The following CEP63 variants were observed in gnomAD, a reference collection of about 807,000 sequenced individuals.
The protein encoded by CEP63 is centrosomal protein 63.
A neutral mutation model predicts 89.1 loss-of-function variants in CEP63; 84 were observed. The ratio of observed to expected loss-of-function variants is 0.94; its 90% CI spans 0.79 to 1.13. CEP63 has a LOEUF of 1.13. Among genes scored for constraint, CEP63 ranks in the 50% most tolerant of loss-of-function variants. The pLI is 0.00. For synonymous variants in CEP63, 267 were observed against 272.5 expected, an observed-to-expected ratio of 0.98 and a Z score of 0.20; for missense variants, 838 against 813.3, an observed-to-expected ratio of 1.03 and a Z score of -0.37.
intron 3 of CEP63, among the ~76,000 whole-genome samples, chr3:134,529,756 C>G (rs542288130): frequency 1.6e-4 from 24 of 152,224 alleles, no homozygotes; most frequent in African/African-American, 5.8e-4. Context: ...ATCCTCCTGC[C>G]TCTGCCTCCT....
chr3:134,704,669 G>T, the CEP63 span, among the ~76,000 whole-genome samples: 5 of 152,330 alleles, frequency 3.3e-5, no homozygotes, highest in Admixed American at 3.3e-4. Flanking sequence ...TTTGCAGAGG[G>T]AGTCTGCTCC....
intron 3 of CEP63, among the ~76,000 whole-genome samples, chr3:134,528,569 CGTGTGT>C (rs34415967): frequency 2.0e-5 from 3 of 147,130 alleles, no homozygotes; most frequent in African/African-American, 7.5e-5. Flanking sequence ...TGTGTGTGTG[CGTGTGT>C]GTGTGTGTGT....
intron 3 of CEP63, among the ~76,000 whole-genome samples, chr3:134,519,024 A>AC (rs199781798): frequency 0.023 from 3,372 of 149,140 alleles, 80 homozygotes; most frequent in South Asian, 0.11. Context: ...CCATGTACCC[A>AC]CCCCCCCACC....
At chr3:134,583,420 CATTT>C (rs1417155152) in intron 10 of CEP63, among the ~76,000 whole-genome samples, 2 of 152,126 alleles carry the variant, frequency 1.3e-5, no homozygotes, top group Non-Finnish European at 2.9e-5. Context: ...TTCCCAGCAC[CATTT>C]ATTAAATAGG....
At chr3:134,610,033 G>T in the CEP63 span, among the ~76,000 whole-genome samples, 11 of 152,234 alleles carry the variant, frequency 7.2e-5, no homozygotes, top group Non-Finnish European at 1.3e-4. Context: ...CTCACAATTG[G>T]CCTGGAGCCA....
At chr3:134,634,990 A>G in the CEP63 span, among the ~76,000 whole-genome samples, 3 of 152,266 alleles carry the variant, frequency 2.0e-5, no homozygotes, top group Non-Finnish European at 4.4e-5. Flanking sequence ...ATAGTTTGGC[A>G]GTTTCTTATA....
chr3:134,685,652 CCTT>C, the CEP63 span, among the ~76,000 whole-genome samples: 1 of 152,194 alleles, frequency 6.6e-6, no homozygotes, highest in Non-Finnish European at 1.5e-5. Flanking sequence ...GTGCTTTTCA[CCTT>C]CTTCTGGCTG....
At chr3:134,752,697 A>G in the CEP63 span, among the ~76,000 whole-genome samples, 1 of 152,226 alleles carries the variant, frequency 6.6e-6, no homozygotes, top group African/African-American at 2.4e-5. Flanking sequence ...AGGGAGAGGT[A>G]CAGGTGCACG....
At chr3:134,768,997 A>G in the CEP63 span, among the ~76,000 whole-genome samples, 6 of 152,270 alleles carry the variant, frequency 3.9e-5, no homozygotes, top group South Asian at 1.2e-3. Context: ...GACATCTAGC[A>G]AGGAAACAGG....
At chr3:134,738,953 T>C in the CEP63 span, among the ~76,000 whole-genome samples, 2 of 128,514 alleles carry the variant, frequency 1.6e-5, no homozygotes, top group Non-Finnish European at 3.2e-5. Context: ...TATACCCTCT[T>C]GGATGGCTAT....
the CEP63 span, among the ~76,000 whole-genome samples, chr3:134,664,862 G>A: frequency 6.6e-6 from 1 of 152,172 alleles, no homozygotes; most frequent in African/African-American, 2.4e-5. Flanking sequence ...TGCATGGCCT[G>A]CAGTAAATAA....
At chr3:134,646,114 T>C in the CEP63 span, among the ~76,000 whole-genome samples, 267 of 152,350 alleles carry the variant, frequency 1.8e-3, no homozygotes, top group African/African-American at 6.1e-3. Context: ...ATACCTTCCA[T>C]GCCCTGCATG....
intron 1 of CEP63, among the ~76,000 whole-genome samples, chr3:134,487,227 A>G (rs3932818): frequency 0.63 from 96,510 of 152,116 alleles, 31,368 homozygotes; most frequent in East Asian, 0.81. Context: ...GCTTAATGAT[A>G]AAGTGTATAT....
downstream of CEP63, among the ~76,000 whole-genome samples, chr3:134,565,312 T>C (rs1211005637): frequency 6.6e-6 from 1 of 152,214 alleles, no homozygotes; most frequent in East Asian, 1.9e-4. Flanking sequence ...GAAAAAATAC[T>C]ACAACACTCT....
intron 8 of CEP63, among the ~76,000 whole-genome samples, chr3:134,546,614 C>T (rs1347913900): frequency 6.6e-6 from 1 of 152,200 alleles, no homozygotes. Context: ...ACCTCAGCCT[C>T]CCAAAGTGCT....
the CEP63 span, among the ~76,000 whole-genome samples, chr3:134,671,648 G>A: frequency 6.6e-6 from 1 of 152,302 alleles, no homozygotes; most frequent in African/African-American, 2.4e-5. Context: ...CAAAGACATA[G>A]GAAAATCCAG....
At chr3:134,605,009 C>T in the CEP63 span, among the ~76,000 whole-genome samples, 4 of 152,134 alleles carry the variant, frequency 2.6e-5, no homozygotes, top group Admixed American at 6.5e-5. Flanking sequence ...TCCCTGATCC[C>T]CACCTCCCCC....
the CEP63 span, among the ~76,000 whole-genome samples, chr3:134,658,886 T>G: frequency 1.3e-5 from 2 of 152,210 alleles, no homozygotes; most frequent in African/African-American, 4.8e-5. Context: ...AAGAGCAATT[T>G]TCATTCTTAA....
chr3:134,638,774 C>G, the CEP63 span, among the ~76,000 whole-genome samples: 3 of 152,220 alleles, frequency 2.0e-5, no homozygotes, highest in Non-Finnish European at 4.4e-5. Context: ...CTTCAGGTTT[C>G]AATCAGGATT....
Sources: allele counts gnomAD v4.1 joint callset (sites outside exome capture counted in the v4.1 genomes callset), GRCh38; gene constraint gnomAD v4.1.1; transcripts MANE v1.5; gene names NCBI Gene and HGNC (gene_info 2026-07-23, HGNC 2026-07-21).